Variants in NFASC observed in about 807,000 individuals in gnomAD.
NFASC encodes the protein neurofascin homolog.
In NFASC, 43 loss-of-function variants were observed where a neutral mutation model predicts 147.5. The observed-to-expected ratio is 0.29, with a 90% CI of 0.23 to 0.38. The LOEUF (loss-of-function observed/expected upper bound fraction) is 0.38, where lower values mean the gene tolerates loss of function less well. Among genes scored for constraint, NFASC ranks in the 10% least tolerant of loss-of-function variants. The pLI is 1.00. For missense variants in NFASC, 1,320 were observed against 1,689.0 expected (o/e 0.78, Z 3.83); for synonymous variants, 622 against 665.5 (o/e 0.93, Z 1.01).
At chr1:204,884,595 C>T (rs2148931458) in intron 1 of NFASC, among the ~76,000 whole-genome samples, 1 of 152,222 alleles carries the variant, frequency 6.6e-6, no homozygotes, top group East Asian at 1.9e-4. Flanking sequence ...TACCTGAGCC[C>T]CTCCCCTGAC....
intron 2 of NFASC, among the ~76,000 whole-genome samples, chr1:204,922,114 G>A (rs1393013524): frequency 1.3e-5 from 2 of 152,172 alleles, no homozygotes; most frequent in African/African-American, 2.4e-5. Context: ...AAACGGGTAC[G>A]AAGTATATAT....
intron 24 of NFASC, among the ~76,000 whole-genome samples, chr1:204,996,883 C>A (rs2095856085): frequency 6.6e-6 from 1 of 152,186 alleles, no homozygotes; most frequent in South Asian, 2.1e-4. Flanking sequence ...GTGCCCCCTT[C>A]CCGTCTCATC....
chr1:204,876,120 G>T lies in NFASC; in HGVS notation c.-199-44512G>T, dbSNP rs563722027. Among the ~76,000 whole-genome samples, 35 of 152,108 alleles carry T rather than the reference G, an allele frequency of 2.3e-4. No individual in the cohort carries two copies. In the South Asian group the frequency reaches 5.8e-3, roughly 25 times the overall value. ...GAGATTTTTTGTTTGTTCATTTTTG[G>T]TTTTTTCTCAACTTTGAAAATCAAC... On this transcript the variant is annotated intron_variant, in intron 1 of 29. Coordinates refer to ENST00000339876, the MANE Select transcript of NFASC (RefSeq NM_001005388.3).
At chr1:204,854,139 CAA>C (rs954766162) in intron 1 of NFASC, among the ~76,000 whole-genome samples, 3 of 151,956 alleles carry the variant, frequency 2.0e-5, no homozygotes, top group African/African-American at 7.3e-5. Context: ...CAGCAAGAGC[CAA>C]AACTCTTGGC....
chr1:204,836,775 C>T lies in NFASC; in HGVS notation c.-200+7993C>T, dbSNP rs138836655. The stretch of plus-strand genomic sequence containing the variant: ...TCAGGGCAGAAACTGGATATCTTTC[C>T]GATTATCATCACACACTGAGTGGAA... On this transcript the variant is annotated intron_variant, in intron 1 of 29. Coordinates refer to ENST00000339876, the MANE Select transcript of NFASC (RefSeq NM_001005388.3). Among the ~76,000 whole-genome samples the T allele has an allele frequency of 7.4e-3, 1,129 of 152,352 alleles. 10 individuals carry two copies. The highest frequency in any genetic ancestry group is 0.026 in the African/African-American group (1,073 of 41,584).
intron 7 of NFASC, among the ~76,000 whole-genome samples, chr1:204,957,339 G>A (rs1333808720): frequency 1.3e-5 from 2 of 152,236 alleles, no homozygotes; most frequent in Non-Finnish European, 2.9e-5. Flanking sequence ...TGGTCCCACA[G>A]CCGGTGAGAT....
chr1:204,868,754 C>T (rs555118512), intron 1 of NFASC, among the ~76,000 whole-genome samples: 1 of 152,188 alleles, frequency 6.6e-6, no homozygotes, highest in African/African-American at 2.4e-5. Flanking sequence ...AGCATGGGGG[C>T]AGCTACCCTC....
intron 1 of NFASC, among the ~76,000 whole-genome samples, chr1:204,851,358 A>C (rs993866434): frequency 2.1e-5 from 3 of 144,324 alleles, no homozygotes; most frequent in African/African-American, 7.8e-5. Flanking sequence ...TTTGAGACGG[A>C]GTCTCACTTT....
chr1:204,877,775 T>G (rs2079330158), intron 1 of NFASC, among the ~76,000 whole-genome samples: 1 of 152,232 alleles, frequency 6.6e-6, no homozygotes, highest in African/African-American at 2.4e-5. Context: ...AACATTGGTG[T>G]GCAAATATCT....
At chr1:204,982,044 C>G in intron 21 of NFASC, 24 bp downstream of exon 21, 1 of 1,455,178 alleles carries the variant, frequency 6.9e-7, no homozygotes, top group Non-Finnish European at 9.2e-7. Context: ...TCCCCGTCCC[C>G]CCATCAGGAC....
chr1:204,988,559 C>T, intron 22 of NFASC, 74 bp from the exon 23 acceptor site: 3 of 1,360,468 alleles, frequency 2.2e-6, no homozygotes. Context: ...AGTGTTCTTC[C>T]TCCAGCTTGC....
chr1:204,949,588 G>A (rs1260019622), intron 3 of NFASC, among the ~76,000 whole-genome samples: 1 of 152,224 alleles, frequency 6.6e-6, no homozygotes, highest in Non-Finnish European at 1.5e-5. Flanking sequence ...TTTTAACCAA[G>A]ACCTTGTCCC....
At chr1:204,991,189 T>A in intron 23 of NFASC, 103 bp from the exon 24 acceptor site, 1 of 1,386,348 alleles carries the variant, frequency 7.2e-7, no homozygotes, top group East Asian at 2.4e-5. Flanking sequence ...GCTGGAACCT[T>A]CCCTGCTTTC....
chr1:204,970,160 T>G (rs1317077311), intron 10 of NFASC, among the ~76,000 whole-genome samples: 1 of 151,218 alleles, frequency 6.6e-6, no homozygotes, highest in Admixed American at 6.6e-5. Flanking sequence ...TCCTAAATGG[T>G]CTGATCTTGC....
At chr1:204,863,768 A>C (rs910839688) in intron 1 of NFASC, among the ~76,000 whole-genome samples, 1 of 151,574 alleles carries the variant, frequency 6.6e-6, no homozygotes, top group Non-Finnish European at 1.5e-5. Context: ...GAATTGCTTG[A>C]ACCCAGGGGG....
intron 24 of NFASC, chr1:204,993,909 C>A: frequency 2.4e-6 from 1 of 423,426 alleles, no homozygotes; most frequent in Non-Finnish European, 4.9e-6. Flanking sequence ...AGGTTTTCCC[C>A]ATGGAACACT....
chr1:205,003,217 GCCA>G (rs2096031577), intron 27 of NFASC, among the ~76,000 whole-genome samples: 1 of 152,134 alleles, frequency 6.6e-6, no homozygotes, highest in Non-Finnish European at 1.5e-5. Flanking sequence ...TTACTCCCTT[GCCA>G]CCATCATCTA....
chr1:204,903,569 A>G (rs2085130992), intron 1 of NFASC, among the ~76,000 whole-genome samples: 1 of 152,166 alleles, frequency 6.6e-6, no homozygotes, highest in Non-Finnish European at 1.5e-5. Context: ...CATCTGAGGC[A>G]GGAGCTTGGC....
At chr1:204,877,028 AAT>A (rs1553392677) in intron 1 of NFASC, among the ~76,000 whole-genome samples, 14 of 84,552 alleles carry the variant, frequency 1.7e-4, no homozygotes, top group African/African-American at 1.6e-4. Flanking sequence ...ATATATATAT[AAT>A]ATATATTTAT....
Sources: gnomAD v4.1 joint callset for allele counts (sites outside exome capture counted in the v4.1 genomes callset) on GRCh38, gnomAD v4.1.1 for gene constraint, MANE v1.5 for transcripts, NCBI Gene and HGNC (gene_info 2026-07-23, HGNC 2026-07-21) for gene names.